The following KSR2 variants were observed in gnomAD, a reference collection of about 807,000 sequenced individuals.
KSR2 encodes the protein kinase suppressor of ras 2.
Under a neutral mutation model 107.8 loss-of-function variants are expected in KSR2, and 25 were observed. The ratio of observed to expected loss-of-function variants is 0.23; its 90% CI spans 0.17 to 0.32. KSR2 has a LOEUF of 0.32. KSR2 is among the 10% of genes least tolerant of loss of function. KSR2 has a pLI of 1.00. For missense variants in KSR2, 887 were observed against 1,268.9 expected (o/e 0.70, Z 4.57); for synonymous variants, 480 against 507.0 (o/e 0.95, Z 0.71).
intron 1 of KSR2, among the ~76,000 whole-genome samples, chr12:117,913,841 C>A (rs1593364384): frequency 6.6e-6 from 1 of 152,140 alleles, no homozygotes; most frequent in South Asian, 2.1e-4. Flanking sequence ...ACCTCTCCCC[C>A]AAGTTCTCCA....
At chr12:117,612,348 G>A (rs985663184) in intron 5 of KSR2, among the ~76,000 whole-genome samples, 5 of 150,926 alleles carry the variant, frequency 3.3e-5, no homozygotes, top group African/African-American at 9.8e-5. Context: ...AGATTTCAGT[G>A]AGCCGAGATC....
chr12:117,919,793 G>A (rs1335195606), intron 1 of KSR2, among the ~76,000 whole-genome samples: 1 of 152,200 alleles, frequency 6.6e-6, no homozygotes, highest in Non-Finnish European at 1.5e-5. Flanking sequence ...TGGAGTTGAA[G>A]CCTCTATTAG....
chr12:117,873,203 G>C (rs776345462), intron 1 of KSR2, among the ~76,000 whole-genome samples: 2 of 151,874 alleles, frequency 1.3e-5, no homozygotes, highest in Admixed American at 6.6e-5. Context: ...AAATTAACAG[G>C]GCATGGTGGC....
intron 1 of KSR2, among the ~76,000 whole-genome samples, chr12:117,940,474 C>G (rs994712013): frequency 3.3e-5 from 5 of 152,152 alleles, no homozygotes; most frequent in African/African-American, 1.2e-4. Flanking sequence ...GAACTTGGGA[C>G]GCCATCAGCC....
At chr12:117,933,787 C>G (rs1895760234) in intron 1 of KSR2, among the ~76,000 whole-genome samples, 1 of 152,130 alleles carries the variant, frequency 6.6e-6, no homozygotes, top group African/African-American at 2.4e-5. Flanking sequence ...CTTGATCCTC[C>G]CAGTATCCTG....
rs745834545 is a variant in KSR2, at chr12:117,667,397, C to T, written c.1171+77G>A. 2.2e-6 allele frequency: 3 copies of T among 1,368,574 alleles called. No individual in the cohort carries two copies. The African/African-American group carries it at 4.3e-5, about 20-fold the overall frequency. The allele number at this position is 1,368,574 out of a possible 1,614,324, so 84.8% of individuals were successfully genotyped here. A position where few individuals can be genotyped will look rare whatever the true frequency, so the allele number is the denominator to read the frequency against. The stretch of plus-strand genomic sequence containing the variant: ...TAAAGAAGAGAGAGTTTGCACCTGG[C>T]ACAGAGGACAGCAGGTGCTGGGGAG... On this transcript the variant is annotated intron_variant, in intron 5 of 19. Transcript: ENST00000339824.
intron 7 of KSR2, among the ~76,000 whole-genome samples, chr12:117,577,637 CA>C (rs1879366032): frequency 6.6e-6 from 1 of 152,120 alleles, no homozygotes; most frequent in Non-Finnish European, 1.5e-5. Flanking sequence ...AGGCAAAAGG[CA>C]CTTCTTACAT....
intron 19 of KSR2, among the ~76,000 whole-genome samples, chr12:117,469,222 C>T (rs142650134): frequency 6.6e-6 from 1 of 152,292 alleles, no homozygotes; most frequent in East Asian, 1.9e-4. Context: ...CTCTGGCATT[C>T]ATGCAATAGA....
At chr12:117,666,288 TG>T (rs1301403164) in intron 5 of KSR2, among the ~76,000 whole-genome samples, 1 of 152,210 alleles carries the variant, frequency 6.6e-6, no homozygotes, top group Non-Finnish European at 1.5e-5. Context: ...GGATATTACA[TG>T]TACCTGCCTT....
rs980457559 is a variant in KSR2 at position 117,950,860 on chromosome 12, T to C, written c.180+17216A>G. On this transcript the variant is annotated intron_variant, in intron 1 of 19. Coordinates refer to ENST00000339824, the MANE Select transcript of KSR2 (RefSeq NM_173598.6). Reference sequence around the variant, plus strand: ...TATTCTCCTGGTATAAGCTATTAGGTAAGTGTGAGAGTATTTAAGGAAGGT... The same window carrying C: ...TATTCTCCTGGTATAAGCTATTAGGCAAGTGTGAGAGTATTTAAGGAAGGT... Among the ~76,000 whole-genome samples, 4 of 151,670 alleles carry C rather than the reference T, an allele frequency of 2.6e-5. 1 individual carries two copies. Among genetic ancestry groups the C allele is most frequent in the African/African-American group, 9.7e-5 (4 of 41,400 alleles).
At chr12:117,920,794 G>A (rs1191538870) in intron 1 of KSR2, among the ~76,000 whole-genome samples, 3 of 152,112 alleles carry the variant, frequency 2.0e-5, no homozygotes, top group Non-Finnish European at 2.9e-5. Context: ...ACAGGGTGGA[G>A]GGGAGGAAGG....
intron 3 of KSR2, among the ~76,000 whole-genome samples, chr12:117,799,075 G>T (rs1890737976): frequency 6.6e-6 from 1 of 152,148 alleles, no homozygotes; most frequent in Non-Finnish European, 1.5e-5. Flanking sequence ...AAAAAGAGAA[G>T]AACAGGTATT....
chr12:117,741,931 G>A (rs1020286451), intron 4 of KSR2, among the ~76,000 whole-genome samples: 31 of 152,190 alleles, frequency 2.0e-4, no homozygotes, highest in Non-Finnish European at 7.3e-5. Flanking sequence ...CTCCCCACAA[G>A]ATACTTATGA....
intron 1 of KSR2, among the ~76,000 whole-genome samples, chr12:117,894,029 C>T (rs1457504122): frequency 6.6e-6 from 1 of 151,902 alleles, no homozygotes; most frequent in African/African-American, 2.4e-5. Flanking sequence ...CCTGCCTCAG[C>T]CTCCCGAGTA....
chr12:117,531,534 G>T, intron 11 of KSR2, 132 bp downstream of exon 11: 5 of 730,426 alleles, frequency 6.8e-6, no homozygotes, highest in Non-Finnish European at 9.2e-6. Context: ...CATTATCCTG[G>T]AGTGTGGTGA....
chr12:117,659,833 G>A (rs1884350067), intron 5 of KSR2, among the ~76,000 whole-genome samples: 1 of 152,236 alleles, frequency 6.6e-6, no homozygotes, highest in Admixed American at 6.5e-5. Flanking sequence ...AGCTTATACA[G>A]TGTCAAAGGA....
intron 4 of KSR2, among the ~76,000 whole-genome samples, chr12:117,688,420 T>G (rs1285694805): frequency 6.6e-6 from 1 of 152,280 alleles, no homozygotes; most frequent in East Asian, 1.9e-4. Context: ...TAAATCAGAC[T>G]AAGTACCCGC....
chr12:117,688,891 G>T (rs1251488159), intron 4 of KSR2, among the ~76,000 whole-genome samples: 1 of 152,112 alleles, frequency 6.6e-6, no homozygotes, highest in East Asian at 1.9e-4. Context: ...AACTCATTTA[G>T]CAGATCTCCT....
At chr12:117,927,673 A>G (rs374134407) in intron 1 of KSR2, among the ~76,000 whole-genome samples, 1 of 152,042 alleles carries the variant, frequency 6.6e-6, no homozygotes, top group Non-Finnish European at 1.5e-5. Context: ...AACCTGGGCG[A>G]CAGAGCAAGA....
Sources: allele counts gnomAD v4.1 joint callset (sites outside exome capture counted in the v4.1 genomes callset), GRCh38; gene constraint gnomAD v4.1.1; transcripts MANE v1.5; gene names NCBI Gene and HGNC (gene_info 2026-07-23, HGNC 2026-07-21).